The following ATP9A variants were observed in gnomAD, a reference collection of about 807,000 sequenced individuals.
ATP9A encodes probable phospholipid-transporting ATPase IIA.
A neutral mutation model predicts 144.1 loss-of-function variants in ATP9A; 52 were observed. The ratio of observed to expected loss-of-function variants is 0.36; its 90% CI spans 0.29 to 0.45. The LOEUF is 0.45. Among genes scored for constraint, ATP9A ranks in the 20% least tolerant of loss-of-function variants. The pLI, the probability that ATP9A is intolerant of heterozygous loss-of-function variation, is 1.00. For synonymous variants in ATP9A, 582 were observed against 557.4 expected (o/e 1.04, Z -0.62); for missense variants, 947 against 1,392.7 (o/e 0.68, Z 5.09).
At chr20:51,660,093 T>G (rs780288043) in intron 13 of ATP9A, among the ~76,000 whole-genome samples, 2 of 152,194 alleles carry the variant, frequency 1.3e-5, no homozygotes, top group African/African-American at 2.4e-5. Flanking sequence ...TTTAAAAAAT[T>G]CTATAATTTA....
intron 8 of ATP9A, among the ~76,000 whole-genome samples, chr20:51,690,109 CAAAAAAAAAAAAAAAA>C (rs796336088): frequency 1.7e-5 from 1 of 59,910 alleles, no homozygotes; most frequent in Non-Finnish European, 2.9e-5. Context: ...GAGACCGTCT[CAAAAAAAAAAAAAAAA>C]AAAAAAAAAA....
chr20:51,680,970 G>T (rs1002302892), intron 9 of ATP9A, among the ~76,000 whole-genome samples: 1 of 151,788 alleles, frequency 6.6e-6, no homozygotes, highest in African/African-American at 2.4e-5. Flanking sequence ...CAAAATAACC[G>T]AGCACACAGA....
chr20:51,748,083 T>C (rs2077815910), intron 1 of ATP9A, among the ~76,000 whole-genome samples: 1 of 152,226 alleles, frequency 6.6e-6, no homozygotes, highest in Non-Finnish European at 1.5e-5. Context: ...TCTTAGACTC[T>C]ACTGGTCTGT....
rs149431470 is a variant in ATP9A, at chr20:51,653,014, G to A, written c.1506+3924C>T. ...AGTCCCAGCTGCTGGGGAGACTGAG[G>A]CAGAAGAATGTTGTGAACCCGGGAG... On this transcript the variant is annotated intron_variant, in intron 14 of 27. Transcript: ENST00000338821. Among the ~76,000 whole-genome samples, 1,355 of 151,580 alleles carry A rather than the reference G, an allele frequency of 8.9e-3. 18 individuals are homozygous for A. The highest frequency in any genetic ancestry group is 0.031 in the African/African-American group (1,290 of 41,314).
intron 17 of ATP9A, 81 bp from the exon 18 acceptor site, chr20:51,625,443 C>A: frequency 6.7e-7 from 1 of 1,481,618 alleles, no homozygotes; most frequent in Non-Finnish European, 9.1e-7. Flanking sequence ...AGTGGAAGGG[C>A]CACACCCGAT....
intron 26 of ATP9A, among the ~76,000 whole-genome samples, 193 bp from the exon 27 acceptor site, chr20:51,605,213 T>C (rs2077158627): frequency 6.6e-6 from 1 of 152,178 alleles, no homozygotes; most frequent in African/African-American, 2.4e-5. Context: ...CCTTGTAGGA[T>C]AAATAATCTT....
rs1353076539 is a variant in ATP9A, at chr20:51,619,817, C to T, written c.2116-774G>A. On this transcript the variant is annotated intron_variant, in intron 19 of 27. Transcript: ENST00000338821. ...CTGGGAGGTGGAGGTTGCGGTGAGC[C>T]GAGATCATGCCATTGCACTCCAGCC... Among the ~76,000 whole-genome samples the T allele has an allele frequency of 6.4e-5, 9 of 139,772 alleles. No individual in the cohort carries two copies. In the South Asian group the frequency reaches 6.6e-4, roughly 10 times the overall value. The allele number at this position is 139,772 out of a possible 152,430, so 91.7% of individuals were successfully genotyped here.
chr20:51,610,183 G>A lies in ATP9A; in HGVS notation c.2572-18C>T, dbSNP rs1453435870. On this transcript the variant is annotated intron_variant, in intron 23 of 27. Coordinates refer to ENST00000338821, the MANE Select transcript of ATP9A (RefSeq NM_006045.3). Reference sequence around the variant, plus strand: ...AAGACAGCCTGTGCCAAGGAGAGAGGAGGATGTCACCAAAAGTCATGACAA... The same window carrying A: ...AAGACAGCCTGTGCCAAGGAGAGAGAAGGATGTCACCAAAAGTCATGACAA... The A allele has an allele frequency of 6.3e-7, 1 of 1,591,506 alleles. No homozygotes were observed. The highest frequency in any genetic ancestry group is 8.6e-7 in the Non-Finnish European group (1 of 1,159,672).
chr20:51,756,181 C>T (rs2122912151), intron 1 of ATP9A, among the ~76,000 whole-genome samples: 1 of 152,170 alleles, frequency 6.6e-6, no homozygotes, highest in Non-Finnish European at 1.5e-5. Flanking sequence ...AACAAGGTGT[C>T]AGCAGGGTTG....
At chr20:51,633,910 G>A (rs2077280220) in intron 15 of ATP9A, among the ~76,000 whole-genome samples, 1 of 142,382 alleles carries the variant, frequency 7.0e-6, no homozygotes, top group South Asian at 2.5e-4. Flanking sequence ...GAGGGAGGAA[G>A]AAAGGGAGGG....
At chr20:51,671,438 CG>C (rs2077455642) in intron 11 of ATP9A, among the ~76,000 whole-genome samples, 181 bp from the exon 12 acceptor site, 1 of 151,956 alleles carries the variant, frequency 6.6e-6, no homozygotes, top group South Asian at 2.1e-4. Flanking sequence ...AAGTCACACA[CG>C]GAACAAATCC....
chr20:51,702,860 T>C (rs1283715693), intron 4 of ATP9A, among the ~76,000 whole-genome samples: 4 of 151,948 alleles, frequency 2.6e-5, no homozygotes, highest in African/African-American at 9.7e-5. Flanking sequence ...AAAGAAAAAA[T>C]AGCACATTGA....
intron 14 of ATP9A, 143 bp from the exon 15 acceptor site, chr20:51,639,647 T>C: frequency 2.4e-6 from 2 of 835,276 alleles, no homozygotes; most frequent in South Asian, 3.8e-5. Context: ...AAGTGCTCTG[T>C]GCTGGCCCAT....
At chr20:51,658,898 G>C (rs934471515) in intron 13 of ATP9A, among the ~76,000 whole-genome samples, 3 of 133,570 alleles carry the variant, frequency 2.2e-5, no homozygotes, top group Non-Finnish European at 3.2e-5. Flanking sequence ...CGGGGGGGGG[G>C]GGGGGAAGGC....
chr20:51,763,834 G>A (rs1328742835), intron 1 of ATP9A, among the ~76,000 whole-genome samples: 1 of 152,172 alleles, frequency 6.6e-6, no homozygotes, highest in African/African-American at 2.4e-5. Context: ...GCAAAGTCTT[G>A]GGCCACCTGG....
At position 51,639,330 on chromosome 20, in the gene ATP9A, A is replaced by C. The variant is rs781421658; in HGVS notation, c.1668+13T>G. 3 of 1,607,186 alleles carry C rather than the reference A, an allele frequency of 1.9e-6. No individual in the cohort carries two copies. The East Asian group carries it at 6.7e-5, about 36-fold the overall frequency. On this transcript the variant is annotated intron_variant, in intron 15 of 27. Transcript: ENST00000338821. ...TACTTAAGCACTTTAAGCCATGAAT[A>C]AAAACGACTCACCCGCACGATGATG...
At chr20:51,754,464 T>C (rs996635063) in intron 1 of ATP9A, among the ~76,000 whole-genome samples, 5 of 148,906 alleles carry the variant, frequency 3.4e-5, no homozygotes, top group African/African-American at 7.5e-5. Context: ...GATTGCGCCA[T>C]TGCACTCTGG....
intron 16 of ATP9A, among the ~76,000 whole-genome samples, chr20:51,628,402 G>C (rs2077258175): frequency 6.6e-6 from 1 of 152,090 alleles, no homozygotes; most frequent in Non-Finnish European, 1.5e-5. Flanking sequence ...GTGTGTGCTG[G>C]ACCTAGTGAC....
intron 1 of ATP9A, among the ~76,000 whole-genome samples, chr20:51,741,180 G>A (rs1430603851): frequency 6.6e-6 from 1 of 152,102 alleles, no homozygotes; most frequent in Admixed American, 6.6e-5. Context: ...ATGGCTGAGA[G>A]TTCTACTGGG....
Sources: gnomAD v4.1 joint callset for allele counts (sites outside exome capture counted in the v4.1 genomes callset) on GRCh38, gnomAD v4.1.1 for gene constraint, MANE v1.5 for transcripts, NCBI Gene and HGNC (gene_info 2026-07-23, HGNC 2026-07-21) for gene names.